The following MCC variants were observed in gnomAD, a reference collection of about 807,000 sequenced individuals.
MCC encodes the protein MCC regulator of Wnt signaling pathway, also known as colorectal mutant cancer protein.
MCC carries 90 observed loss-of-function variants against 116.2 expected under a neutral mutation model. The ratio of observed to expected loss-of-function variants is 0.77; its 90% CI spans 0.65 to 0.92. The LOEUF (loss-of-function observed/expected upper bound fraction) is 0.92, where lower values mean the gene tolerates loss of function less well. Ranked by LOEUF, MCC falls within the 40% of genes least tolerant of loss-of-function variation. The probability of loss-of-function intolerance (pLI) is 0.00; values close to 1 mark genes in which losing one functional copy is unlikely to be tolerated. For synonymous variants in MCC, 578 were observed against 510.5 expected (o/e 1.13, Z -1.78); for missense variants, 1,516 against 1,312.2 (o/e 1.16, Z -2.40).
At chr5:113,250,642 C>T (rs1264779723) in intron 3 of MCC, among the ~76,000 whole-genome samples, 2 of 152,226 alleles carry the variant, frequency 1.3e-5, no homozygotes, top group South Asian at 4.1e-4. Flanking sequence ...ATGTCACACG[C>T]TTCCTGAGGA....
intron 1 of MCC, among the ~76,000 whole-genome samples, chr5:113,397,435 C>T (rs546804108): frequency 1.3e-5 from 2 of 151,968 alleles, no homozygotes; most frequent in East Asian, 3.9e-4. Context: ...TGGTTACCAA[C>T]TTGAAAAAAA....
At chr5:113,109,786 TA>T (rs1561359423) in intron 6 of MCC, among the ~76,000 whole-genome samples, 1 of 152,046 alleles carries the variant, frequency 6.6e-6, no homozygotes, top group South Asian at 2.1e-4. Flanking sequence ...GTAATTTAAT[TA>T]AAAAAAATTT....
At chr5:113,482,311 G>A (rs1429977459) in intron 1 of MCC, among the ~76,000 whole-genome samples, 1 of 152,166 alleles carries the variant, frequency 6.6e-6, no homozygotes, top group African/African-American at 2.4e-5. Context: ...CCAATTCTAT[G>A]TTTATGTTTT....
chr5:113,251,613 T>C (rs1764807997), intron 3 of MCC, among the ~76,000 whole-genome samples: 1 of 152,306 alleles, frequency 6.6e-6, no homozygotes, highest in Non-Finnish European at 1.5e-5. Flanking sequence ...ACTTACCCCA[T>C]TACCACAGTG....
chr5:113,287,511 G>C (rs949210142), intron 3 of MCC, among the ~76,000 whole-genome samples: 1 of 152,078 alleles, frequency 6.6e-6, no homozygotes, highest in African/African-American at 2.4e-5. Context: ...ATTTTTAGTA[G>C]AGACAGAGTT....
intron 1 of MCC, among the ~76,000 whole-genome samples, chr5:113,478,371 A>G (rs1772287035): frequency 6.6e-6 from 1 of 152,232 alleles, no homozygotes. Context: ...AGAAAGGAAG[A>G]TGGTAAGAAA....
intron 3 of MCC, among the ~76,000 whole-genome samples, chr5:113,242,899 G>A (rs2091802): frequency 0.029 from 4,410 of 152,278 alleles, 166 homozygotes; most frequent in African/African-American, 0.086. Flanking sequence ...GGACAAGCTG[G>A]GTGATAGGAG....
intron 3 of MCC, among the ~76,000 whole-genome samples, chr5:113,246,625 G>T (rs12518849): frequency 6.6e-6 from 1 of 152,102 alleles, no homozygotes; most frequent in Non-Finnish European, 1.5e-5. Flanking sequence ...AATCCCAGGC[G>T]GAGATACTGT....
intron 3 of MCC, among the ~76,000 whole-genome samples, chr5:113,159,698 G>A (rs577113293): frequency 6.6e-6 from 1 of 152,160 alleles, no homozygotes; most frequent in South Asian, 2.1e-4. Context: ...GATACATACA[G>A]AACAAAATGC....
chr5:113,273,876 G>T (rs78144105), intron 3 of MCC, among the ~76,000 whole-genome samples: 8,963 of 152,104 alleles, frequency 0.059, 362 homozygotes, highest in Middle Eastern at 0.11. Context: ...ATTATGCTCT[G>T]TTCCTGTCTC....
rs777771399 is a variant in MCC at position 113,488,333 on chromosome 5, T to C, written c.82A>G (p.Ser28Gly). The part of the protein sequence containing the change: ...GGGGSGSSSS[S>G]SDTSSTGEEE... ...TCGCCGGTGCTGGACGTGTCGCTGC[T>C]GCTGCTGCTGCTGCCGCTGCCGCCG... The change falls in exon 1 of 19, where the codon AGC becomes GGC. Residue 28 changes from serine to glycine, a missense_variant. Coordinates refer to ENST00000408903, the MANE Select transcript of MCC (RefSeq NM_001085377.2). 21 of 1,464,210 alleles carry C rather than the reference T, an allele frequency of 1.4e-5. No homozygotes were observed. Among genetic ancestry groups the C allele is most frequent in the South Asian group, 7.6e-5 (6 of 78,472 alleles). The allele number at this position is 1,464,210 out of a possible 1,614,324, so 90.7% of individuals were successfully genotyped here.
rs566475394 is a variant in MCC at position 113,363,852 on chromosome 5, T to C, written c.415+21116A>G. Among the ~76,000 whole-genome samples the C allele has an allele frequency of 2.0e-5, 3 of 152,202 alleles. No individual in the cohort carries two copies. The East Asian group carries it at 5.8e-4, about 29-fold the overall frequency. On this transcript the variant is annotated intron_variant, in intron 2 of 18. Transcript: ENST00000408903. ...GCCTTATGCCTATAATCCCGTAGAA[T>C]CAAAACAAGTTAGTTACATCCAAGA...
intron 3 of MCC, among the ~76,000 whole-genome samples, chr5:113,301,507 G>A (rs1766861360): frequency 6.6e-6 from 1 of 152,130 alleles, no homozygotes; most frequent in South Asian, 2.1e-4. Flanking sequence ...GGCAACAAGA[G>A]TGAAATTCCA....
At chr5:113,200,167 T>C (rs1304856620) in intron 3 of MCC, among the ~76,000 whole-genome samples, 3 of 152,048 alleles carry the variant, frequency 2.0e-5, no homozygotes, top group African/African-American at 2.4e-5. Context: ...AGACAGTAAA[T>C]ATGACAGGTT....
At chr5:113,157,194 C>A (rs1760218624) in intron 3 of MCC, among the ~76,000 whole-genome samples, 3 of 152,198 alleles carry the variant, frequency 2.0e-5, no homozygotes. Context: ...GCAATAAACA[C>A]AGCAGACATG....
chr5:113,434,772 T>C lies in MCC; in HGVS notation c.171-49560A>G, dbSNP rs11556766. 6.2e-7 allele frequency: 1 copy of C among 1,613,978 alleles called. No homozygotes were observed. The highest frequency in any genetic ancestry group is 1.7e-4 in the Middle Eastern group (1 of 6,056). On this transcript the variant is annotated intron_variant, in intron 1 of 18. Coordinates refer to ENST00000408903, the MANE Select transcript of MCC (RefSeq NM_001085377.2). This position sits in a 1 kb window ranked among gnomAD's most constrained non-coding sequence, Gnocchi z 4.2. ...AGAGTAAGCAGATTTTACTTTTGCATAGGAGCCCTCTCCTAAATTTATCCC... is the reference window on the plus strand; with the variant it reads ...AGAGTAAGCAGATTTTACTTTTGCACAGGAGCCCTCTCCTAAATTTATCCC...
intron 1 of MCC, among the ~76,000 whole-genome samples, chr5:113,423,303 C>T (rs1770390336): frequency 6.6e-6 from 1 of 152,144 alleles, no homozygotes; most frequent in African/African-American, 2.4e-5. Context: ...TTTGTTCAGG[C>T]ATGAGTGACA....
intron 15 of MCC, among the ~76,000 whole-genome samples, chr5:113,050,525 T>C (rs933033606): frequency 1.3e-5 from 2 of 152,174 alleles, no homozygotes; most frequent in Non-Finnish European, 2.9e-5. Flanking sequence ...GGGACATTAG[T>C]CAATATGCTC....
intron 3 of MCC, among the ~76,000 whole-genome samples, chr5:113,326,882 G>T (rs187267094): frequency 4.4e-4 from 67 of 152,200 alleles, no homozygotes; most frequent in South Asian, 1.9e-3. Flanking sequence ...TTTCTATAAT[G>T]AAATAAAAAT....
Sources: gnomAD v4.1 joint callset for allele counts (sites outside exome capture counted in the v4.1 genomes callset) on GRCh38, gnomAD v4.1.1 for gene constraint, Gnocchi (gnomAD v3.1) non-coding constraint, MANE v1.5 for transcripts, NCBI Gene and HGNC (gene_info 2026-07-23, HGNC 2026-07-21) for gene names.